Variants in PDXDC1 observed in about 807,000 individuals in gnomAD.
The protein encoded by PDXDC1 is pyridoxal dependent decarboxylase domain containing 1, also known as pyridoxal-dependent decarboxylase domain-containing protein 1.
A neutral mutation model predicts 100.1 loss-of-function variants in PDXDC1; 42 were observed. That is an observed-to-expected ratio of 0.42 (90% confidence interval 0.33 to 0.54). The LOEUF is 0.54. PDXDC1 is among the 20% of genes least tolerant of loss of function. The pLI is 0.10. For missense variants in PDXDC1, 636 were observed against 979.2 expected (o/e 0.65, Z 4.68); for synonymous variants, 260 against 371.7 (o/e 0.70, Z 3.46).
chr16:15,032,498 A>G, intron 17 of PDXDC1: 1 of 177,672 alleles, frequency 5.6e-6, no homozygotes, highest in Non-Finnish European at 1.2e-5. Context: ...TAGAAAAAAT[A>G]CAAAAATTAG....
intron 16 of PDXDC1, chr16:15,138,227 T>C: frequency 6.6e-6 from 2 of 302,014 alleles, no homozygotes; most frequent in Non-Finnish European, 1.2e-5. Flanking sequence ...CAAATATTCC[T>C]TCTTCTAACG....
Position 15,033,136 on chromosome 16 carries a change from G to T in PDXDC1, c.1691-142G>T. 2.8e-6 allele frequency: 3 copies of T among 1,055,210 alleles called. No homozygotes were observed. The South Asian group carries it at 4.2e-5, about 15-fold the overall frequency. 65.4% of individuals were successfully genotyped at this position (1,055,210 alleles called of 1,614,324 possible). A position where few individuals can be genotyped will look rare whatever the true frequency, so the allele number is the denominator to read the frequency against. On this transcript the variant is annotated intron_variant, in intron 18 of 22. Coordinates refer to ENST00000396410, the MANE Select transcript of PDXDC1 (RefSeq NM_015027.4). ...GACCTCCCTCCCCTTCTGCAGCCTT[G>T]CCAGGCCTTTCTCTCCGCCCTTAGA...
At chr16:15,132,683 G>A in intron 16 of PDXDC1, 2 of 753,208 alleles carry the variant, frequency 2.7e-6, no homozygotes, top group Non-Finnish European at 2.3e-6. Flanking sequence ...TACCCTGGCA[G>A]GCATGCGGGG....
intron 16 of PDXDC1, among the ~76,000 whole-genome samples, chr16:15,101,689 T>C (rs1434431370): frequency 6.8e-6 from 1 of 146,900 alleles, no homozygotes; most frequent in Non-Finnish European, 1.5e-5. Context: ...AATCATGCAC[T>C]CTAGCCTGGG....
Position 14,992,832 on chromosome 16 carries a change from G to A in PDXDC1, c.22-4921G>A, listed in dbSNP as rs1199756793. On this transcript the variant is annotated intron_variant, in intron 1 of 22. Transcript: ENST00000396410. ...CCTCCAAAATGTTAGACCAGAATCA[G>A]ACGTTTTTATGCTATACTTTTTTTT... Among the ~76,000 whole-genome samples, 3 of 152,160 alleles carry A rather than the reference G, an allele frequency of 2.0e-5. No homozygotes were observed. In the East Asian group the frequency reaches 5.8e-4, roughly 29 times the overall value.
At chr16:15,085,820 A>G in intron 16 of PDXDC1, 1 of 1,401,138 alleles carries the variant, frequency 7.1e-7, no homozygotes, top group South Asian at 1.4e-5. Context: ...TCCATAATCC[A>G]AAGTTAGCCC....
chr16:15,136,251 G>A (rs1373228305), intron 16 of PDXDC1: 7 of 622,416 alleles, frequency 1.1e-5, no homozygotes, highest in East Asian at 1.1e-4. Flanking sequence ...CTGAGGCTCA[G>A]AGCCTGGAGA....
chr16:14,978,732 C>A (rs1328881585), intron 1 of PDXDC1, among the ~76,000 whole-genome samples: 1 of 152,282 alleles, frequency 6.6e-6, no homozygotes, highest in Non-Finnish European at 1.5e-5. Flanking sequence ...TAGCCCAGAC[C>A]TTTTTCTGTT....
At chr16:15,067,653 C>CT (rs2045034481) in intron 16 of PDXDC1, among the ~76,000 whole-genome samples, 1 of 151,464 alleles carries the variant, frequency 6.6e-6, no homozygotes, top group African/African-American at 2.4e-5. Context: ...GGTTGCCATA[C>CT]TTATTTCAAA....
intron 8 of PDXDC1, among the ~76,000 whole-genome samples, chr16:15,013,868 C>CT (rs1191101453): frequency 1.6e-5 from 2 of 128,176 alleles, no homozygotes; most frequent in African/African-American, 6.0e-5. Flanking sequence ...GAAAGGGTCT[C>CT]TGTCTCAAAA....
At chr16:14,991,267 ATGTGTGTGTG>A (rs10642182) in intron 1 of PDXDC1, among the ~76,000 whole-genome samples, 2,984 of 149,844 alleles carry the variant, frequency 0.02, 4 homozygotes, top group African/African-American at 0.029. Flanking sequence ...GTATATAGAT[ATGTGTGTGTG>A]TGTGTGTGTG....
Position 15,134,051 on chromosome 16 carries a change from G to C in PDXDC1, c.1400-4828G>C, listed in dbSNP as rs1350586441. 2.5e-6 allele frequency: 4 copies of C among 1,572,186 alleles called. No homozygotes were observed. In the Admixed American group the frequency reaches 5.1e-5, roughly 20 times the overall value. ...TCTCATCCAGCACCAGTGTCTTGTT[G>C]CTGAACGTACGTGCAGCCCACCGCT... On this transcript the variant is annotated intron_variant, in intron 16 of 16. Transcript: ENST00000535621.
intron 16 of PDXDC1, among the ~76,000 whole-genome samples, chr16:15,099,817 C>G (rs1489039544): frequency 6.6e-6 from 1 of 152,162 alleles, no homozygotes; most frequent in Non-Finnish European, 1.5e-5. Context: ...TTACTATCAT[C>G]ATATACCCAG....
At chr16:15,108,092 A>C (rs2046878309) in intron 16 of PDXDC1, 1 of 923,246 alleles carries the variant, frequency 1.1e-6, no homozygotes, top group South Asian at 5.0e-5. Flanking sequence ...CTCCTAAGTC[A>C]GGGTGTCATG....
chr16:15,003,507 C>T (rs1463105777), intron 4 of PDXDC1, among the ~76,000 whole-genome samples: 2 of 152,218 alleles, frequency 1.3e-5, no homozygotes, highest in South Asian at 2.1e-4. Flanking sequence ...TGAGCCACTG[C>T]GCCTGGCCAG....
At chr16:15,140,744 G>A (rs1461286239), downstream of PDXDC1, among the ~76,000 whole-genome samples, 1 of 151,936 alleles carries the variant, frequency 6.6e-6, no homozygotes, top group African/African-American at 2.4e-5. Context: ...ACCTCCCCTC[G>A]GCCTCAAGCA....
rs754711018 is a variant in PDXDC1, at chr16:15,134,063, T to G, written c.1400-4816T>G. Reference sequence around the variant, plus strand: ...CCAGTGTCTTGTTGCTGAACGTACGTGCAGCCCACCGCTGCAGGCAGAAGG... The same window carrying G: ...CCAGTGTCTTGTTGCTGAACGTACGGGCAGCCCACCGCTGCAGGCAGAAGG... On this transcript the variant is annotated intron_variant, in intron 16 of 16. Transcript: ENST00000535621. The G allele has an allele frequency of 6.4e-6, 10 of 1,571,790 alleles. No homozygotes were observed. In the South Asian group the frequency reaches 1.1e-4, roughly 18 times the overall value.
At chr16:15,054,865 CTG>C (rs2044440039) in intron 16 of PDXDC1, among the ~76,000 whole-genome samples, 1 of 152,190 alleles carries the variant, frequency 6.6e-6, no homozygotes, top group Non-Finnish European at 1.5e-5. Flanking sequence ...TAATCACAAA[CTG>C]TACAGCTGTG....
intron 16 of PDXDC1, among the ~76,000 whole-genome samples, 194 bp downstream of exon 16, chr16:15,030,250 A>G (rs1188867254): frequency 6.6e-6 from 1 of 152,270 alleles, no homozygotes; most frequent in African/African-American, 2.4e-5. Context: ...AGAATTCAGA[A>G]GTCACCTGAA....
Sources: gnomAD v4.1 joint callset for allele counts (sites outside exome capture counted in the v4.1 genomes callset) on GRCh38, gnomAD v4.1.1 for gene constraint, MANE v1.5 for transcripts, NCBI Gene and HGNC (gene_info 2026-07-23, HGNC 2026-07-21) for gene names.